The following UBE2W variants were observed in gnomAD, a reference collection of about 807,000 sequenced individuals.
UBE2W encodes ubiquitin-conjugating enzyme E2 W.
In UBE2W, 18 loss-of-function variants were observed where a neutral mutation model predicts 27.2. That is an observed-to-expected ratio of 0.66 (90% CI 0.46 to 0.98). The LOEUF (loss-of-function observed/expected upper bound fraction) is 0.98. UBE2W is among the 50% of genes least tolerant of loss of function. The pLI is 0.00. For missense variants in UBE2W, 90 were observed against 180.2 expected (o/e 0.50, Z 2.87); for synonymous variants, 53 against 57.2 (o/e 0.93, Z 0.33).
chr8:73,870,141 G>A (rs1376294860), intron 1 of UBE2W: 2 of 980,114 alleles, frequency 2.0e-6, no homozygotes, highest in Admixed American at 2.2e-5. Flanking sequence ...TTTTATATGT[G>A]GATTATATTT....
At chr8:73,833,131 G>A (rs1455106209) in intron 1 of UBE2W, among the ~76,000 whole-genome samples, 1 of 145,452 alleles carries the variant, frequency 6.9e-6, no homozygotes, top group East Asian at 2.0e-4. Context: ...GTTGCAGTGA[G>A]CTGAGACTGC....
intron 1 of UBE2W, among the ~76,000 whole-genome samples, chr8:73,860,030 A>G (rs1811475847): frequency 6.6e-6 from 1 of 152,160 alleles, no homozygotes. Context: ...GAAAGAAAGC[A>G]GTCACATAAT....
Position 73,780,530 on chromosome 8 carries a change from T to A in UBE2W, c.430-13A>T, listed in dbSNP as rs769681988. 1.2e-4 allele frequency: 53 copies of A among 432,778 alleles called. 1 individual carries two copies. The highest frequency in any genetic ancestry group is 3.9e-4 in the South Asian group (24 of 61,316). 26.8% of individuals were successfully genotyped at this position (432,778 alleles called of 1,614,324 possible). On this transcript the variant is annotated splice_polypyrimidine_tract_variant and intron_variant, in intron 4 of 4. Coordinates refer to the UBE2W transcript ENST00000523278. The stretch of plus-strand genomic sequence containing the variant: ...GCAGATTTCAGTTCTGAAAAAAAAA[T>A]TTATTTATTTATTTATTTTTTGAGA...
At chr8:73,813,834 T>G (rs1809274998) in intron 3 of UBE2W, among the ~76,000 whole-genome samples, 1 of 151,556 alleles carries the variant, frequency 6.6e-6, no homozygotes, top group Admixed American at 6.6e-5. Flanking sequence ...CTCACTGCAA[T>G]CCCCGCCTCC....
At chr8:73,865,604 C>T (rs1363522009) in intron 1 of UBE2W, among the ~76,000 whole-genome samples, 2 of 152,138 alleles carry the variant, frequency 1.3e-5, no homozygotes, top group African/African-American at 4.8e-5. Flanking sequence ...AGAGTGAAAC[C>T]TTGTCTCAAA....
At chr8:73,862,072 T>C (rs944675720) in intron 1 of UBE2W, among the ~76,000 whole-genome samples, 1 of 152,222 alleles carries the variant, frequency 6.6e-6, no homozygotes, top group Admixed American at 6.5e-5. Context: ...CCAATTTACA[T>C]AATTGGCACA....
intron 5 of UBE2W, among the ~76,000 whole-genome samples, 179 bp downstream of exon 5, chr8:73,805,470 AAC>A (rs1447242684): frequency 7.2e-5 from 10 of 139,438 alleles, no homozygotes; most frequent in South Asian, 2.3e-4. Flanking sequence ...AAAAAAAAAA[AAC>A]AAAAAAAACT....
chr8:73,852,747 A>G lies in UBE2W; in HGVS notation c.16-22275T>C, dbSNP rs147956552. ...CTACAGCCAGGGTCTAGCACAAAGT[A>G]TTAGATACGCTGAATAAAATGACTG... On this transcript the variant is annotated intron_variant, in intron 1 of 5. Transcript: ENST00000602593. Among the ~76,000 whole-genome samples the G allele has an allele frequency of 1.1e-3, 169 of 152,362 alleles. 5 individuals are homozygous for G. In the East Asian group the frequency reaches 0.026, roughly 23 times the overall value.
chr8:73,845,983 TC>T (rs1279024317), intron 1 of UBE2W, among the ~76,000 whole-genome samples: 2 of 152,164 alleles, frequency 1.3e-5, no homozygotes, highest in African/African-American at 4.8e-5. Context: ...CTGAATTCCT[TC>T]TGGAAAATGA....
downstream of UBE2W, chr8:73,786,166 T>C: frequency 1.1e-6 from 1 of 951,480 alleles, no homozygotes; most frequent in Non-Finnish European, 1.3e-6. Flanking sequence ...TGACAAGCAA[T>C]TTGCCTCAGA....
rs186447968 is a variant in UBE2W, at chr8:73,791,896, T to A, written c.*2206A>T. ...AGAGAGGTATGTTAAAATATTGTCA[T>A]AAAAAACTCAATTGAGGCTATATAT... On this transcript the variant is annotated 3_prime_UTR_variant, in exon 6 of 6. Transcript: ENST00000602593. The A allele has an allele frequency of 1.9e-4, 183 of 984,956 alleles. 1 individual carries two copies. In the African/African-American group the frequency reaches 3.0e-3, roughly 16 times the overall value. The allele number at this position is 984,956 out of a possible 1,614,324, so 61.0% of individuals were successfully genotyped here.
chr8:73,839,835 G>A (rs774595968), intron 1 of UBE2W, among the ~76,000 whole-genome samples: 8 of 146,620 alleles, frequency 5.5e-5, no homozygotes, highest in Non-Finnish European at 8.9e-5. Context: ...GGGCTCAAGC[G>A]ATTCTCATGC....
rs543383683 is a variant in UBE2W, at chr8:73,788,612, G to A, written c.*5490C>T. On this transcript the variant is annotated 3_prime_UTR_variant, in exon 6 of 6. Transcript: ENST00000602593. ...TATGGTAGATTTCAGGCTTTAAATT[G>A]TAAGTTTCAGGCTTCAAAAGAGGCA... 14 of 985,384 alleles carry A rather than the reference G, an allele frequency of 1.4e-5. No individual in the cohort carries two copies. The highest frequency in any genetic ancestry group is 1.6e-5 in the Non-Finnish European group (13 of 829,912). The allele number at this position is 985,384 out of a possible 1,614,324, so 61.0% of individuals were successfully genotyped here. A position where few individuals can be genotyped will look rare whatever the true frequency, so the allele number is the denominator to read the frequency against.
At chr8:73,849,838 A>G (rs932118730) in intron 1 of UBE2W, among the ~76,000 whole-genome samples, 1 of 152,126 alleles carries the variant, frequency 6.6e-6, no homozygotes, top group Non-Finnish European at 1.5e-5. Context: ...GAAAAAAGAT[A>G]CTAGGATAAG....
At chr8:73,864,725 T>A (rs1290346101) in intron 1 of UBE2W, among the ~76,000 whole-genome samples, 1 of 107,274 alleles carries the variant, frequency 9.3e-6, no homozygotes. Context: ...TACAGGTGCA[T>A]GCCACCATGT....
chr8:73,828,054 T>G (rs1471803205), intron 2 of UBE2W, among the ~76,000 whole-genome samples: 1 of 152,202 alleles, frequency 6.6e-6, no homozygotes, highest in Non-Finnish European at 1.5e-5. Context: ...TTACATCAAT[T>G]TAAACCATCA....
chr8:73,819,906 T>C (rs571272184), intron 3 of UBE2W, among the ~76,000 whole-genome samples: 80 of 152,352 alleles, frequency 5.3e-4, no homozygotes, highest in African/African-American at 1.9e-3. Context: ...ATTCTAGAAA[T>C]ATTTTCCAAA....
downstream of UBE2W, among the ~76,000 whole-genome samples, chr8:73,785,280 G>A (rs1807916596): frequency 6.6e-6 from 1 of 151,890 alleles, no homozygotes; most frequent in African/African-American, 2.4e-5. Context: ...CAAACAGTTG[G>A]GATTACAGGC....
intron 3 of UBE2W, among the ~76,000 whole-genome samples, chr8:73,821,204 G>A (rs1391517116): frequency 6.6e-6 from 1 of 152,034 alleles, no homozygotes; most frequent in Non-Finnish European, 1.5e-5. Context: ...GTATTAAAAC[G>A]TGAACAAGGC....
Sources: gnomAD v4.1 joint callset for allele counts (sites outside exome capture counted in the v4.1 genomes callset) on GRCh38, gnomAD v4.1.1 for gene constraint, MANE v1.5 for transcripts, NCBI Gene and HGNC (gene_info 2026-07-23, HGNC 2026-07-21) for gene names.